RALGDS: variants seen among roughly 807,000 people sequenced by gnomAD.
RALGDS encodes the protein ral guanine nucleotide dissociation stimulator.
A neutral mutation model predicts 99.8 loss-of-function variants in RALGDS; 44 were observed. That is an observed-to-expected ratio of 0.44 (90% CI 0.35 to 0.57). The LOEUF (loss-of-function observed/expected upper bound fraction) is 0.57. Among genes scored for constraint, RALGDS ranks in the 20% least tolerant of loss-of-function variants. The pLI, the probability that RALGDS is intolerant of heterozygous loss-of-function variation, is 0.01. For synonymous variants in RALGDS, 529 were observed against 505.0 expected (o/e 1.05, Z -0.64); for missense variants, 1,022 against 1,203.1 (o/e 0.85, Z 2.23).
intron 1 of RALGDS, chr9:133,129,225 C>A (rs368557429): frequency 3.3e-4 from 529 of 1,597,202 alleles, no homozygotes; most frequent in Non-Finnish European, 4.2e-4. Flanking sequence ...CTTCTCCTGG[C>A]GGTCACCACA....
Position 133,108,091 on chromosome 9 carries a change from C to G in RALGDS, c.1094G>C (p.Trp365Ser), listed in dbSNP as rs773431800. 1 of 1,613,712 alleles carries G rather than the reference C, an allele frequency of 6.2e-7. No individual in the cohort carries two copies. The highest frequency in any genetic ancestry group is 1.1e-5 in the South Asian group (1 of 91,088). Residue 365 changes from tryptophan to serine, a missense_variant, in exon 6 of 18, where the codon TGG becomes TCG. Trp to Ser is a radical substitution (Grantham distance 177). Coordinates refer to ENST00000372050, the MANE Select transcript of RALGDS (RefSeq NM_006266.4). ...GTTCTCTGCAACCACAGGTGAAGGC[C>G]AGGAAGGCTGTAATGATGGAACTGG... Reference protein sequence around the residue: ...PAPVPSLQPSWPSPVVAENGL... With the variant: ...PAPVPSLQPSSPSPVVAENGL...
chr9:133,110,020 G>A (rs755982598), intron 3 of RALGDS, among the ~76,000 whole-genome samples: 1 of 152,180 alleles, frequency 6.6e-6, no homozygotes, highest in Non-Finnish European at 1.5e-5. Flanking sequence ...TTGGGGCAGA[G>A]AGCTTCCCCA....
chr9:133,136,567 A>G (rs1832429990), intron 1 of RALGDS, among the ~76,000 whole-genome samples: 1 of 151,914 alleles, frequency 6.6e-6, no homozygotes, highest in African/African-American at 2.4e-5. Context: ...TGAGGTCAGG[A>G]GTTCAAGACC....
chr9:133,125,708 C>A (rs1349055582), upstream of RALGDS, among the ~76,000 whole-genome samples: 2 of 152,142 alleles, frequency 1.3e-5, no homozygotes, highest in Non-Finnish European at 2.9e-5. Context: ...CGCACTCCAG[C>A]CTGGGCGACA....
chr9:133,108,875 A>C lies in RALGDS; in HGVS notation c.585-9T>G, dbSNP rs1311734128. 3 of 1,608,720 alleles carry C rather than the reference A, an allele frequency of 1.9e-6. No individual in the cohort carries two copies. The highest frequency in any genetic ancestry group is 2.5e-6 in the Non-Finnish European group (3 of 1,177,142). ...GGATGGAGGAGATGGCACTGGGGAC[A>C]GGTGGGTGGCAGCAGAGTCAGAGGC... On this transcript the variant is annotated splice_polypyrimidine_tract_variant and intron_variant, in intron 4 of 17. Transcript: ENST00000372050.
chr9:133,110,505 G>A lies in RALGDS; in HGVS notation c.295-16C>T. The A allele has an allele frequency of 6.3e-7, 1 of 1,598,792 alleles. No individual in the cohort carries two copies. The highest frequency in any genetic ancestry group is 2.2e-5 in the East Asian group (1 of 44,806). The stretch of plus-strand genomic sequence containing the variant: ...CATTCTCATACTGGGGTGGGACAGA[G>A]GAGGGACAGACAGTCAGTGGCAGCA... On this transcript the variant is annotated splice_polypyrimidine_tract_variant and intron_variant, in intron 2 of 17. Transcript: ENST00000372050.
chr9:133,111,347 C>A (rs1428656372), intron 2 of RALGDS, among the ~76,000 whole-genome samples: 1 of 151,508 alleles, frequency 6.6e-6, no homozygotes, highest in Non-Finnish European at 1.5e-5. Context: ...GTGGTGTGAT[C>A]TCGGCTCACT....
At position 133,119,440 on chromosome 9, in the gene RALGDS, T is replaced by C. The variant is rs545105750; in HGVS notation, c.183+1532A>G. On this transcript the variant is annotated intron_variant, in intron 1 of 17. Coordinates refer to ENST00000372050, the MANE Select transcript of RALGDS (RefSeq NM_006266.4). ...TTTGATTTCTAAATAGCAGTCGAGG[T>C]CTGGATCTCAGTGCTGAGGCTGGGC... Among the ~76,000 whole-genome samples the C allele has an allele frequency of 7.9e-5, 12 of 152,036 alleles. No individual in the cohort carries two copies. In the South Asian group the frequency reaches 1.2e-3, roughly 16 times the overall value.
chr9:133,103,510 C>T (rs779299073), intron 11 of RALGDS, among the ~76,000 whole-genome samples: 8 of 152,132 alleles, frequency 5.3e-5, no homozygotes, highest in South Asian at 2.1e-4. Flanking sequence ...CACCACGTGC[C>T]GCCTGACCGC....
chr9:133,141,596 C>T (rs1314527792), intron 1 of RALGDS, among the ~76,000 whole-genome samples: 1 of 152,204 alleles, frequency 6.6e-6, no homozygotes, highest in African/African-American at 2.4e-5. Context: ...TGTCCTGCTC[C>T]AAAGCCACCT....
chr9:133,140,436 C>G (rs76526420), intron 1 of RALGDS, among the ~76,000 whole-genome samples: 178 of 152,228 alleles, frequency 1.2e-3, no homozygotes, highest in African/African-American at 4.1e-3. Flanking sequence ...CTTCCTCCCT[C>G]GGAACACAAA....
At chr9:133,133,538 C>T (rs991562530), upstream of RALGDS, among the ~76,000 whole-genome samples, 12 of 152,248 alleles carry the variant, frequency 7.9e-5, no homozygotes, top group African/African-American at 2.9e-4. Context: ...CTGCCATGGA[C>T]AGCCGAGGCG....
chr9:133,127,476 G>A (rs574431187), intron 1 of RALGDS, among the ~76,000 whole-genome samples: 1 of 152,238 alleles, frequency 6.6e-6, no homozygotes, highest in Non-Finnish European at 1.5e-5. Context: ...TATATTTAGA[G>A]CCTGGGGAGG....
At chr9:133,129,823 T>G (rs929517361) in intron 1 of RALGDS, among the ~76,000 whole-genome samples, 70 of 131,276 alleles carry the variant, frequency 5.3e-4, no homozygotes, top group African/African-American at 1.8e-3. Flanking sequence ...TTTTTTTTTT[T>G]TTTTTTCCCT....
chr9:133,108,801 T>C lies in RALGDS; in HGVS notation c.650A>G (p.Asp217Gly). The change falls in exon 5 of 18, where the codon GAC (aspartate) becomes GGC (glycine). Residue 217 changes from aspartate (D) to glycine (G), a missense_variant. Physicochemically the swap from Asp to Gly is moderately conservative, Grantham distance 94. Around this residue, in one of 3 missense-constraint regions of RALGDS, gnomAD observed 825 missense variants for 994.5 expected, o/e 0.83. Coordinates refer to ENST00000372050, the MANE Select transcript of RALGDS (RefSeq NM_006266.4). ...CACCAGCTGCTTGAGGCAGGGAAAG[T>C]CCGGAGGTTGACAGAAATCCTCCGA... ...QYSEDFCQPP[D>G]FPCLKQLVAY... 6.2e-7 allele frequency: 1 copy of C among 1,613,314 alleles called. No homozygotes were observed. Among genetic ancestry groups the C allele is most frequent in the East Asian group, 2.2e-5 (1 of 44,860 alleles).
Position 133,105,959 on chromosome 9 carries a change from G to A in RALGDS, c.1575C>T (p.Tyr525=), listed in dbSNP as rs1326829624. The stretch of plus-strand genomic sequence containing the variant: ...TGATGAGCAGCTCCCGGCTCAATGA[G>A]TAGTTGTTCTCATCTGAGAAGATCT... The part of the protein sequence containing the change: ...LSEIFSDENN[Y]SLSRELLIKE... Residue 525 remains tyrosine (Y), a synonymous_variant, in exon 9 of 18, where the codon TAC becomes TAT. Transcript: ENST00000372050. 5 of 1,603,380 alleles carry A rather than the reference G, an allele frequency of 3.1e-6. No individual in the cohort carries two copies. The highest frequency in any genetic ancestry group is 3.4e-6 in the Non-Finnish European group (4 of 1,176,424).
At chr9:133,115,020 C>T (rs375497998) in intron 1 of RALGDS, among the ~76,000 whole-genome samples, 7 of 152,312 alleles carry the variant, frequency 4.6e-5, no homozygotes, top group African/African-American at 1.7e-4. Flanking sequence ...GATCAGCCTT[C>T]TCAGAGTGAC....
rs1338474343 is a variant in RALGDS, at chr9:133,106,650, AACGTCTTCCC to A, written c.1502_1511del (p.Trp501PhefsTer24). On this transcript the variant is annotated frameshift_variant, in exon 8 of 18. Transcript: ENST00000372050. LOFTEE classifies it high-confidence loss of function. ...TCCTACAGAGGCATGCCCACCTGGA[AACGTCTTCCC>A]ACGTCTTCTTCAGACGGTGGATGGA... 1.2e-6 allele frequency: 2 copies of A among 1,606,928 alleles called. No homozygotes were observed. The highest frequency in any genetic ancestry group is 1.7e-6 in the Non-Finnish European group (2 of 1,175,854).
In RALGDS at chr9:133,144,093, A is replaced by G. The variant is rs7863771; in HGVS notation, c.18+4870T>C. 0.07 allele frequency among the ~76,000 whole-genome samples: 10,665 copies of G among 152,132 alleles called. 1,255 individuals carry two copies. The highest frequency in any genetic ancestry group is 0.24 in the African/African-American group (9,984 of 41,458). On this transcript the variant is annotated intron_variant, in intron 1 of 17. Coordinates refer to the RALGDS transcript ENST00000393160. This position sits in a 1 kb window ranked among gnomAD's most constrained non-coding sequence, Gnocchi z 4.5. ...GGGGGGAAGGACCCCTCAAGTCTCT[A>G]TCTGCACAGACAGCCCACCCGTGCC...
Sources: allele counts gnomAD v4.1 joint callset (sites outside exome capture counted in the v4.1 genomes callset), GRCh38; gene constraint gnomAD v4.1.1; regional missense constraint gnomAD v4.1.1; non-coding constraint Gnocchi (gnomAD v3.1); transcripts MANE v1.5; gene names NCBI Gene and HGNC (gene_info 2026-07-23, HGNC 2026-07-21).